TNRC6A: variants seen among roughly 807,000 people sequenced by gnomAD.
TNRC6A encodes the protein trinucleotide repeat-containing gene 6A protein.
TNRC6A carries 44 observed loss-of-function variants against 221.2 expected under a neutral mutation model. That is an observed-to-expected ratio of 0.20 (90% CI 0.16 to 0.26). The LOEUF is 0.26. TNRC6A is among the 10% of genes least tolerant of loss of function. The pLI is 1.00. For missense variants in TNRC6A, 2,199 were observed against 2,404.4 expected (o/e 0.91, Z 1.79); for synonymous variants, 847 against 838.5 (o/e 1.01, Z -0.18).
At chr16:24,676,511 A>G (rs554773922) in intron 2 of TNRC6A, among the ~76,000 whole-genome samples, 2 of 152,218 alleles carry the variant, frequency 1.3e-5, no homozygotes, top group East Asian at 3.9e-4. Flanking sequence ...GCTGGAGTGC[A>G]ATGGCATGAT....
intron 5 of TNRC6A, among the ~76,000 whole-genome samples, chr16:24,786,761 A>G (rs1367988422): frequency 6.6e-6 from 1 of 150,868 alleles, no homozygotes; most frequent in East Asian, 2.0e-4. Flanking sequence ...GGCTCACGGC[A>G]ACAGCCTCTG....
chr16:24,655,079 C>CA (rs1392002021), intron 2 of TNRC6A, among the ~76,000 whole-genome samples: 1 of 151,852 alleles, frequency 6.6e-6, no homozygotes, highest in African/African-American at 2.4e-5. Context: ...CCCATCGCTA[C>CA]AAAAAATACA....
chr16:24,663,323 CCGG>C (rs2055075654), intron 2 of TNRC6A: 1 of 154,276 alleles, frequency 6.5e-6, no homozygotes, highest in African/African-American at 2.4e-5. Context: ...GAGGTCGAGG[CCGG>C]CGGCCTTGTC....
At chr16:24,675,719 T>TATAC (rs1555488239) in intron 2 of TNRC6A, among the ~76,000 whole-genome samples, 15 of 121,426 alleles carry the variant, frequency 1.2e-4, no homozygotes, top group African/African-American at 4.5e-4. Flanking sequence ...TATATATATA[T>TATAC]ATATATATAT....
intron 2 of TNRC6A, among the ~76,000 whole-genome samples, chr16:24,740,940 A>G (rs1162199666): frequency 6.6e-6 from 1 of 152,166 alleles, no homozygotes; most frequent in Non-Finnish European, 1.5e-5. Context: ...TAGTGTCCTC[A>G]AGATTTGTCC....
chr16:24,632,578 C>T (rs562092428), intron 1 of TNRC6A, among the ~76,000 whole-genome samples: 6 of 152,310 alleles, frequency 3.9e-5, no homozygotes, highest in African/African-American at 1.4e-4. Flanking sequence ...CAACTGGCCC[C>T]TCAGCTTTCA....
chr16:24,729,679 C>G lies in TNRC6A; in HGVS notation c.-163C>G. On this transcript the variant is annotated 5_prime_UTR_variant, in exon 1 of 25. Transcript: ENST00000395799. The stretch of plus-strand genomic sequence containing the variant: ...TCCGGTCTGGGGCCTGCGGCGGCGG[C>G]GGTGTCGGCGGCGGCGGCGGCGGCG... The G allele has an allele frequency of 1.4e-6, 1 of 737,350 alleles. No individual in the cohort carries two copies. The highest frequency in any genetic ancestry group is 1.8e-6 in the Non-Finnish European group (1 of 548,970). The allele number at this position is 737,350 out of a possible 1,614,324, so 45.7% of individuals were successfully genotyped here. A position where few individuals can be genotyped will look rare whatever the true frequency, so the allele number is the denominator to read the frequency against.
intron 1 of TNRC6A, among the ~76,000 whole-genome samples, chr16:24,614,659 G>C (rs995136275): frequency 3.3e-5 from 5 of 152,074 alleles, no homozygotes; most frequent in African/African-American, 7.2e-5. Flanking sequence ...ATGAAATTTG[G>C]GCCATATGGA....
intron 6 of TNRC6A, among the ~76,000 whole-genome samples, chr16:24,792,785 ATTTTTTTT>A (rs34453471): frequency 8.3e-6 from 1 of 120,428 alleles, no homozygotes; most frequent in Non-Finnish European, 1.7e-5. Flanking sequence ...TTGTGGCACA[ATTTTTTTT>A]TTTTTTTTTT....
intron 2 of TNRC6A, among the ~76,000 whole-genome samples, chr16:24,715,605 C>CTTTTTTT (rs58843836): frequency 3.9e-5 from 5 of 127,222 alleles, no homozygotes; most frequent in South Asian, 2.5e-4. Context: ...TGAGTAGTTT[C>CTTTTTTT]TTTTTTTTTT....
Position 24,790,588 on chromosome 16 carries a change from A to G in TNRC6A, c.1946A>G (p.Gln649Arg), listed in dbSNP as rs930211772. 1 of 1,614,244 alleles carries G rather than the reference A, an allele frequency of 6.2e-7. No homozygotes were observed. Among genetic ancestry groups the G allele is most frequent in the East Asian group, 2.2e-5 (1 of 44,890 alleles). Reference protein sequence around the residue: ...NGWKSTEEEDQGSATSQTNEQ... With the variant: ...NGWKSTEEEDRGSATSQTNEQ... ...TGGAAATCTACTGAGGAAGAGGATCAGGGTTCTGCCACATCTCAGACAAAT... is the reference window on the plus strand; with the variant it reads ...TGGAAATCTACTGAGGAAGAGGATCGGGGTTCTGCCACATCTCAGACAAAT... Residue 649 changes from glutamine (Q) to arginine (R), a missense_variant, in exon 6 of 25, where the codon CAG becomes CGG. Gln to Arg is a conservative substitution (Grantham distance 43). Transcript: ENST00000395799.
At chr16:24,720,169 AG>A (rs1398164503) in intron 2 of TNRC6A, among the ~76,000 whole-genome samples, 1 of 152,222 alleles carries the variant, frequency 6.6e-6, no homozygotes, top group Non-Finnish European at 1.5e-5. Context: ...GCAGAAAAGA[AG>A]ATGATCTCAC....
In TNRC6A at chr16:24,750,785, A is replaced by G. The variant is rs747078881; in HGVS notation, c.113A>G (p.Lys38Arg). 1.3e-6 allele frequency: 2 copies of G among 1,567,946 alleles called. No individual in the cohort carries two copies. Among genetic ancestry groups the G allele is most frequent in the Admixed American group, 1.9e-5 (1 of 52,028 alleles). ...MEEKKKKKDD[K>R]KKKEAAQKKA... Reference sequence around the variant, plus strand: ...GAAAAGAAAAAGAAAAAAGACGACAAGAAAAAGAAGGAAGCTGCTCAAAAG... The same window carrying G: ...GAAAAGAAAAAGAAAAAAGACGACAGGAAAAAGAAGGAAGCTGCTCAAAAG... The change falls in exon 3 of 25, where the codon AAG (lysine) becomes AGG (arginine). Residue 38 changes from lysine (K) to arginine (R), a missense_variant. Coordinates refer to ENST00000395799, the MANE Select transcript of TNRC6A (RefSeq NM_014494.4).
At chr16:24,806,180 C>T in intron 15 of TNRC6A, 26 bp from the exon 16 acceptor site, 1 of 1,613,016 alleles carries the variant, frequency 6.2e-7, no homozygotes, top group Non-Finnish European at 8.5e-7. Context: ...GTGATAGTAA[C>T]AACCTTTTCG....
At chr16:24,815,853 C>G (rs1423966241) in intron 19 of TNRC6A, 1 of 156,916 alleles carries the variant, frequency 6.4e-6, no homozygotes, top group African/African-American at 2.4e-5. Flanking sequence ...ACAACAACAA[C>G]AAAAACTTTA....
chr16:24,699,319 C>G (rs1478566015), intron 2 of TNRC6A, among the ~76,000 whole-genome samples: 1 of 152,050 alleles, frequency 6.6e-6, no homozygotes, highest in Non-Finnish European at 1.5e-5. Flanking sequence ...CTACAGAGCA[C>G]AGAAGAGAGA....
chr16:24,732,021 A>T (rs2547034), intron 2 of TNRC6A, among the ~76,000 whole-genome samples: 1 of 152,180 alleles, frequency 6.6e-6, no homozygotes, highest in African/African-American at 2.4e-5. Context: ...TAACAGTAGT[A>T]CTAGGTAGAT....
intron 11 of TNRC6A, among the ~76,000 whole-genome samples, chr16:24,798,985 T>C (rs964044700): frequency 6.6e-6 from 1 of 152,100 alleles, no homozygotes; most frequent in African/African-American, 2.4e-5. Flanking sequence ...AAATCCACCC[T>C]CTAAGATACC....
chr16:24,782,111 C>T (rs11641603), intron 5 of TNRC6A, among the ~76,000 whole-genome samples: 20,645 of 152,144 alleles, frequency 0.14, 1,754 homozygotes, highest in Middle Eastern at 0.2. Context: ...CGTGAGCCAC[C>T]GCGCCCGGCC....
Sources: gnomAD v4.1 joint callset for allele counts (sites outside exome capture counted in the v4.1 genomes callset) on GRCh38, gnomAD v4.1.1 for gene constraint, MANE v1.5 for transcripts, NCBI Gene and HGNC (gene_info 2026-07-23, HGNC 2026-07-21) for gene names.